The following KIF13B variants were observed in gnomAD, a reference collection of about 807,000 sequenced individuals.
KIF13B encodes the protein kinesin-like protein KIF13B.
KIF13B carries 127 observed loss-of-function variants against 222.0 expected under a neutral mutation model. The ratio of observed to expected loss-of-function variants is 0.57; its 90% CI spans 0.50 to 0.66. KIF13B has a LOEUF of 0.66. Among genes scored for constraint, KIF13B ranks in the 30% least tolerant of loss-of-function variants. KIF13B has a pLI of 0.00. For synonymous variants in KIF13B, 976 were observed against 919.0 expected, an observed-to-expected ratio of 1.06 and a Z score of -1.12; for missense variants, 2,173 against 2,379.0, an observed-to-expected ratio of 0.91 and a Z score of 1.80.
At chr8:29,262,757 C>T (rs1026127801) in intron 1 of KIF13B, among the ~76,000 whole-genome samples, 5 of 149,858 alleles carry the variant, frequency 3.3e-5, no homozygotes, top group Admixed American at 2.0e-4. Flanking sequence ...GCACGAGGGG[C>T]CCGACGGCGC....
chr8:29,183,456 C>T (rs528371396), intron 6 of KIF13B, among the ~76,000 whole-genome samples: 14 of 152,146 alleles, frequency 9.2e-5, no homozygotes, highest in African/African-American at 3.1e-4. Flanking sequence ...CCAACCAATG[C>T]GTCAAGTTTT....
At chr8:29,126,986 CAA>C (rs1369919172) in intron 25 of KIF13B, 134 bp downstream of exon 25, 3 of 843,916 alleles carry the variant, frequency 3.6e-6, no homozygotes, top group Non-Finnish European at 5.4e-6. Context: ...ATGCAAGACA[CAA>C]AAAAAGACAG....
intron 35 of KIF13B, among the ~76,000 whole-genome samples, chr8:29,099,544 T>C (rs75823987): frequency 6.6e-6 from 1 of 152,270 alleles, no homozygotes; most frequent in African/African-American, 2.4e-5. Context: ...GAGGCTAATC[T>C]TTTTACTACT....
intron 14 of KIF13B, among the ~76,000 whole-genome samples, chr8:29,154,890 T>A (rs1336623524): frequency 1.3e-5 from 2 of 152,214 alleles, no homozygotes; most frequent in African/African-American, 4.8e-5. Context: ...GAAGACTTTA[T>A]GGATAAAATC....
At chr8:29,106,369 T>C (rs937439688) in intron 35 of KIF13B, among the ~76,000 whole-genome samples, 1 of 152,160 alleles carries the variant, frequency 6.6e-6, no homozygotes. Flanking sequence ...CAGTGGCTTA[T>C]GCCTGTAATC....
At chr8:29,105,650 GT>G (rs869030059) in intron 35 of KIF13B, among the ~76,000 whole-genome samples, 14 of 78,072 alleles carry the variant, frequency 1.8e-4, no homozygotes, top group South Asian at 1.7e-3. Context: ...AGTTTGTTTG[GT>G]TTTTTTTTTT....
intron 2 of KIF13B, among the ~76,000 whole-genome samples, chr8:29,225,551 A>T (rs1178941662): frequency 6.6e-6 from 1 of 152,234 alleles, no homozygotes; most frequent in African/African-American, 2.4e-5. Flanking sequence ...AGGTGAAAAA[A>T]ACTTTCCAGC....
chr8:29,073,264 G>A (rs1413054475), intron 38 of KIF13B, among the ~76,000 whole-genome samples: 2 of 152,054 alleles, frequency 1.3e-5, no homozygotes, highest in Non-Finnish European at 2.9e-5. Flanking sequence ...GGGCTGGGGG[G>A]GCCTCGGACC....
intron 10 of KIF13B, among the ~76,000 whole-genome samples, chr8:29,172,722 A>T (rs1812300773): frequency 6.6e-6 from 1 of 152,176 alleles, no homozygotes. Flanking sequence ...CCTCTGTGTC[A>T]TCTGACCACT....
chr8:29,129,084 T>C (rs904655475), intron 24 of KIF13B, among the ~76,000 whole-genome samples: 26 of 152,188 alleles, frequency 1.7e-4, no homozygotes, highest in African/African-American at 4.8e-4. Context: ...TTTGCCATCA[T>C]ATAAGAAAAA....
chr8:29,251,216 GGAAAAACAAAC>G (rs1407940552), intron 1 of KIF13B, among the ~76,000 whole-genome samples: 1 of 152,002 alleles, frequency 6.6e-6, no homozygotes, highest in African/African-American at 2.4e-5. Context: ...AATTTAGCCT[GGAAAAACAAAC>G]AAAAAACACC....
intron 2 of KIF13B, 56 bp downstream of exon 2, chr8:29,245,290 C>T: frequency 8.6e-7 from 1 of 1,168,528 alleles, no homozygotes; most frequent in Non-Finnish European, 1.3e-6. Context: ...TCAGCAGCCA[C>T]AGTTGCTTCC....
Position 29,102,761 on chromosome 8 carries a change from C to T in KIF13B, c.4216-3520G>A, listed in dbSNP as rs565146286. Among the ~76,000 whole-genome samples, 46 of 152,288 alleles carry T rather than the reference C, an allele frequency of 3.0e-4. 1 individual carries two copies. In the Middle Eastern group the frequency reaches 0.031, roughly 101 times the overall value. On this transcript the variant is annotated intron_variant, in intron 35 of 39. Coordinates refer to ENST00000524189, the MANE Select transcript of KIF13B (RefSeq NM_015254.4). ...TGCTTGGCATCTCCTCCCAGGGCTG[C>T]GTGAAACCATCACGGCTTTCAGGAA...
chr8:29,249,052 GT>G (rs145611186), intron 1 of KIF13B, among the ~76,000 whole-genome samples: 1,714 of 152,266 alleles, frequency 0.011, 25 homozygotes, highest in African/African-American at 0.038. Context: ...ACCATGGCTT[GT>G]TTATCCTCTC....
intron 32 of KIF13B, among the ~76,000 whole-genome samples, chr8:29,111,562 G>T (rs1395207657): frequency 6.6e-6 from 1 of 152,212 alleles, no homozygotes. Context: ...CTAACTAACA[G>T]CAAATTCACA....
intron 10 of KIF13B, among the ~76,000 whole-genome samples, chr8:29,175,457 G>A (rs528000592): frequency 1.3e-4 from 20 of 152,254 alleles, no homozygotes; most frequent in African/African-American, 4.8e-4. Flanking sequence ...TGGAGGCTAC[G>A]TTCTTCTCCT....
chr8:29,237,546 C>T (rs199568659), intron 2 of KIF13B, among the ~76,000 whole-genome samples: 3 of 150,460 alleles, frequency 2.0e-5, no homozygotes, highest in Non-Finnish European at 3.0e-5. Context: ...AGACTCTTTT[C>T]TTGTATTTTT....
chr8:29,146,566 A>T (rs1563739504), intron 17 of KIF13B, 26 bp from the exon 18 acceptor site: 1 of 1,599,894 alleles, frequency 6.3e-7, no homozygotes, highest in African/African-American at 1.3e-5. Flanking sequence ...GAAGCGGCAG[A>T]GGTAGGGAAG....
intron 2 of KIF13B, among the ~76,000 whole-genome samples, chr8:29,213,485 G>A (rs372093593): frequency 1.2e-4 from 18 of 152,250 alleles, no homozygotes; most frequent in African/African-American, 4.1e-4. Flanking sequence ...AATGCATTAC[G>A]GGCAATTTTA....
Sources: allele counts gnomAD v4.1 joint callset (sites outside exome capture counted in the v4.1 genomes callset), GRCh38; gene constraint gnomAD v4.1.1; transcripts MANE v1.5; gene names NCBI Gene and HGNC (gene_info 2026-07-23, HGNC 2026-07-21).